ANO10: variants seen among roughly 807,000 people sequenced by gnomAD.
ANO10 encodes the protein anoctamin 10, also known as anoctamin-10.
ANO10 carries 77 observed loss-of-function variants against 74.7 expected under a neutral mutation model. The observed-to-expected ratio is 1.03, with a 90% CI of 0.86 to 1.25. ANO10 has a LOEUF of 1.25. Ranked by LOEUF, ANO10 falls within the 50% of genes most tolerant of loss-of-function variation. The pLI, the probability that ANO10 is intolerant of heterozygous loss-of-function variation, is 0.00. For synonymous variants in ANO10, 279 were observed against 284.9 expected, an observed-to-expected ratio of 0.98 and a Z score of 0.21; for missense variants, 721 against 778.1, an observed-to-expected ratio of 0.93 and a Z score of 0.87.
Position 43,605,855 on chromosome 3 carries a change from T to C in ANO10, c.-3A>G. The C allele has an allele frequency of 6.2e-7, 1 of 1,613,434 alleles. No homozygotes were observed. The highest frequency in any genetic ancestry group is 8.5e-7 in the Non-Finnish European group (1 of 1,179,628). ...AAAGCTGATAAGGTCACTTTCATCT[T>C]TGACAAATCTGCGGAAAATTAAAAT... On this transcript the variant is annotated 5_prime_UTR_variant, in exon 2 of 13. Transcript: ENST00000292246.
intron 12 of ANO10, among the ~76,000 whole-genome samples, chr3:43,380,362 T>C (rs898635993): frequency 6.6e-6 from 1 of 152,122 alleles, no homozygotes; most frequent in Non-Finnish European, 1.5e-5. Flanking sequence ...AAAAAGATTA[T>C]CACTTAGGGA....
chr3:43,493,192 C>T (rs1358330864), intron 11 of ANO10, among the ~76,000 whole-genome samples: 8 of 152,226 alleles, frequency 5.3e-5, no homozygotes, highest in Admixed American at 3.3e-4. Context: ...AACCAAACAC[C>T]GTGTGTTCTC....
At chr3:43,527,751 A>C (rs2149238462) in intron 11 of ANO10, among the ~76,000 whole-genome samples, 1 of 152,324 alleles carries the variant, frequency 6.6e-6, no homozygotes, top group South Asian at 2.1e-4. Context: ...GGAAATAGAG[A>C]TCTAGCGATA....
intron 9 of ANO10, 110 bp downstream of exon 9, chr3:43,561,110 C>A: frequency 3.1e-6 from 4 of 1,300,262 alleles, no homozygotes; most frequent in Non-Finnish European, 4.4e-6. Context: ...CTGGAAAGCA[C>A]TTCTAGAATA....
intron 7 of ANO10, among the ~76,000 whole-genome samples, chr3:43,566,565 A>C (rs2080360254): frequency 2.0e-5 from 3 of 152,210 alleles, no homozygotes; most frequent in Admixed American, 2.0e-4. Flanking sequence ...GGCACCCCCC[A>C]GCAGGGGTAC....
At chr3:43,504,126 G>A (rs139361191) in intron 11 of ANO10, among the ~76,000 whole-genome samples, 30 of 152,032 alleles carry the variant, frequency 2.0e-4, no homozygotes, top group African/African-American at 6.3e-4. Flanking sequence ...AAAATTAGCC[G>A]GCACGGTGGC....
intron 12 of ANO10, among the ~76,000 whole-genome samples, chr3:43,427,873 G>A (rs1228841983): frequency 6.6e-6 from 1 of 152,100 alleles, no homozygotes; most frequent in Non-Finnish European, 1.5e-5. Flanking sequence ...TACCTTATAG[G>A]ACCTCCTGGG....
chr3:43,648,673 CTTTTTTTTTTTTT>C (rs57098436), intron 1 of ANO10, among the ~76,000 whole-genome samples: 1 of 111,286 alleles, frequency 9.0e-6, no homozygotes, highest in Non-Finnish European at 1.8e-5. Context: ...TTTTAGCCCG[CTTTTTTTTTTTTT>C]TTTTTTTTAA....
chr3:43,598,079 T>C (rs1013393456), intron 4 of ANO10, among the ~76,000 whole-genome samples: 1 of 152,250 alleles, frequency 6.6e-6, no homozygotes, highest in Non-Finnish European at 1.5e-5. Flanking sequence ...ACTTTCATTC[T>C]GCAAACTAGT....
At chr3:43,522,816 G>A (rs2078016699) in intron 11 of ANO10, among the ~76,000 whole-genome samples, 1 of 152,204 alleles carries the variant, frequency 6.6e-6, no homozygotes, top group African/African-American at 2.4e-5. Flanking sequence ...GCTGCACACA[G>A]GCACAACACC....
intron 11 of ANO10, among the ~76,000 whole-genome samples, chr3:43,500,733 T>G (rs540062841): frequency 1.3e-5 from 2 of 152,240 alleles, no homozygotes; most frequent in Non-Finnish European, 2.9e-5. Flanking sequence ...GACACTTTAG[T>G]GCACAAACAC....
chr3:43,391,895 C>T (rs1365398442), intron 12 of ANO10, among the ~76,000 whole-genome samples: 1 of 151,834 alleles, frequency 6.6e-6, no homozygotes, highest in African/African-American at 2.4e-5. Flanking sequence ...TGTGAGAGAG[C>T]AAATGTTTGT....
At chr3:43,500,428 T>C (rs2077058044) in intron 11 of ANO10, among the ~76,000 whole-genome samples, 1 of 152,212 alleles carries the variant, frequency 6.6e-6, no homozygotes, top group African/African-American at 2.4e-5. Flanking sequence ...TCATTTTCTA[T>C]ACTGACTGAA....
chr3:43,461,434 A>G (rs528092352), intron 11 of ANO10, among the ~76,000 whole-genome samples: 36 of 152,322 alleles, frequency 2.4e-4, no homozygotes, highest in African/African-American at 8.4e-4. Context: ...TAAGGAATAA[A>G]TATTATCAAT....
intron 1 of ANO10, among the ~76,000 whole-genome samples, chr3:43,677,757 T>C (rs2084142129): frequency 6.6e-6 from 1 of 152,224 alleles, no homozygotes; most frequent in South Asian, 2.1e-4. Flanking sequence ...CAAGGCTTCC[T>C]TACAGCATGG....
intron 1 of ANO10, among the ~76,000 whole-genome samples, chr3:43,664,649 A>G (rs2083966503): frequency 1.3e-5 from 2 of 152,360 alleles, no homozygotes; most frequent in South Asian, 4.1e-4. Context: ...ACGGGCTAAT[A>G]TCCAGAATCT....
In ANO10 at chr3:43,464,497, T is replaced by A. The variant is rs141728257; in HGVS notation, c.1798-31770A>T. On this transcript the variant is annotated intron_variant, in intron 11 of 12. Transcript: ENST00000292246. The stretch of plus-strand genomic sequence containing the variant: ...GAGTTTGAGACCAACCTGGTCAACA[T>A]AGCAAGACCCTGCAGCTACAAAAAA... 5.6e-4 allele frequency among the ~76,000 whole-genome samples: 85 copies of A among 152,210 alleles called. 1 individual carries two copies. Among genetic ancestry groups the A allele is most frequent in the Non-Finnish European group, 7.4e-5 (5 of 67,998 alleles).
At chr3:43,377,804 T>A (rs1348995359) in intron 12 of ANO10, among the ~76,000 whole-genome samples, 1 of 152,186 alleles carries the variant, frequency 6.6e-6, no homozygotes, top group Non-Finnish European at 1.5e-5. Context: ...ATCCAGGAAT[T>A]GAAGCCTTGA....
intron 11 of ANO10, among the ~76,000 whole-genome samples, chr3:43,507,280 C>T (rs975051857): frequency 2.6e-5 from 4 of 152,152 alleles, no homozygotes; most frequent in South Asian, 2.1e-4. Flanking sequence ...GACTGTCCTT[C>T]GTAGGAGACA....
Sources: allele counts gnomAD v4.1 joint callset (sites outside exome capture counted in the v4.1 genomes callset), GRCh38; gene constraint gnomAD v4.1.1; transcripts MANE v1.5; gene names NCBI Gene and HGNC (gene_info 2026-07-23, HGNC 2026-07-21).